CNIH3: variants seen among roughly 807,000 people sequenced by gnomAD.
The protein encoded by CNIH3 is cornichon family AMPA receptor auxiliary protein 3.
Under a neutral mutation model 24.1 loss-of-function variants are expected in CNIH3, and 14 were observed. That is an observed-to-expected ratio of 0.58 (90% confidence interval 0.38 to 0.91). The LOEUF (loss-of-function observed/expected upper bound fraction) is 0.91. CNIH3 is among the 40% of genes least tolerant of loss of function. CNIH3 has a pLI of 0.00. For synonymous variants in CNIH3, 68 were observed against 73.8 expected (o/e 0.92, Z 0.40); for missense variants, 178 against 196.8 (o/e 0.90, Z 0.57).
chr1:224,438,236 T>A (rs1053024544), intron 1 of CNIH3, among the ~76,000 whole-genome samples: 2 of 151,482 alleles, frequency 1.3e-5, no homozygotes, highest in Non-Finnish European at 1.5e-5. Context: ...TTTTTTTTTT[T>A]AAATACAGAC....
Position 224,730,483 on chromosome 1 carries a change from A to G in CNIH3, c.220A>G (p.Ile74Val), listed in dbSNP as rs2125241388. Reference sequence around the variant, plus strand: ...TCAGCTGGTGCTGCCAGAATACTCCATCCATAGCCTCTTCTGCATTATGTT... The same window carrying G: ...TCAGCTGGTGCTGCCAGAATACTCCGTCCATAGCCTCTTCTGCATTATGTT... ...LRKLVLPEYSIHSLFCIMFLC... is the reference protein window; with the variant it reads ...LRKLVLPEYSVHSLFCIMFLC... Residue 74 changes from isoleucine (I) to valine (V), a missense_variant, in exon 4 of 6, where the codon ATC (isoleucine) becomes GTC (valine). Coordinates refer to ENST00000272133, the MANE Select transcript of CNIH3 (RefSeq NM_152495.2). 1 of 1,559,402 alleles carries G rather than the reference A, an allele frequency of 6.4e-7. No individual in the cohort carries two copies. The highest frequency in any genetic ancestry group is 2.4e-5 in the East Asian group (1 of 42,438).
rs774919398 is a variant in CNIH3, at chr1:224,600,190, AT to A, written n.402+33942del. Reference sequence around the variant, plus strand: ...TTAGTTCTCTGTTTTTCTCATCTACATTTTTTTTTTTTTTTTGAGACGTAGT... The same window carrying A: ...TTAGTTCTCTGTTTTTCTCATCTACATTTTTTTTTTTTTTTGAGACGTAGT... On this transcript the variant is annotated intron_variant and non_coding_transcript_variant, in intron 3 of 7. Coordinates refer to the CNIH3 transcript ENST00000478120. Among the ~76,000 whole-genome samples, 870 of 134,774 alleles carry A rather than the reference AT, an allele frequency of 6.5e-3. 8 individuals are homozygous for A. The highest frequency in any genetic ancestry group is 0.054 in the East Asian group (253 of 4,718). The allele number at this position is 134,774 out of a possible 152,430, so 88.4% of individuals were successfully genotyped here.
intron 3 of CNIH3, among the ~76,000 whole-genome samples, chr1:224,711,667 C>T (rs982850327): frequency 1.3e-5 from 2 of 151,384 alleles, no homozygotes; most frequent in Admixed American, 6.6e-5. Context: ...TGGTGGTACC[C>T]GCCTGTAGTC....
intron 1 of CNIH3, chr1:224,661,248 T>C: frequency 3.2e-6 from 1 of 307,848 alleles, no homozygotes; most frequent in Non-Finnish European, 6.6e-6. Flanking sequence ...CTTCAACTTC[T>C]GCTCTTTCTT....
chr1:224,588,570 C>A (rs1244060567), exon 6 of CNIH3: 2 of 151,740 alleles, frequency 1.3e-5, no homozygotes, highest in African/African-American at 4.8e-5. Flanking sequence ...TTTTTGGAAC[C>A]AGCATAGTTT....
intron 3 of CNIH3, among the ~76,000 whole-genome samples, chr1:224,550,230 C>A (rs760831526): frequency 6.6e-6 from 1 of 151,904 alleles, no homozygotes; most frequent in South Asian, 2.1e-4. Flanking sequence ...GTGTGTGTAA[C>A]CACTAGATTT....
At chr1:224,665,160 G>A (rs1685536813) in intron 1 of CNIH3, among the ~76,000 whole-genome samples, 1 of 152,168 alleles carries the variant, frequency 6.6e-6, no homozygotes, top group Non-Finnish European at 1.5e-5. Context: ...TCTGGATGGA[G>A]GTTCTGAATC....
chr1:224,554,629 A>C (rs1302704072), intron 3 of CNIH3, among the ~76,000 whole-genome samples: 1 of 151,594 alleles, frequency 6.6e-6, no homozygotes, highest in Non-Finnish European at 1.5e-5. Context: ...TGTCACCCAG[A>C]CTGGAGTGCA....
chr1:224,449,453 T>C (rs1470825612), intron 1 of CNIH3, among the ~76,000 whole-genome samples: 1 of 152,174 alleles, frequency 6.6e-6, no homozygotes, highest in Admixed American at 6.5e-5. Flanking sequence ...CCTAAATGTT[T>C]TGTTCCTTTC....
intron 3 of CNIH3, among the ~76,000 whole-genome samples, chr1:224,717,260 T>A (rs1688478193): frequency 6.6e-6 from 1 of 152,218 alleles, no homozygotes; most frequent in African/African-American, 2.4e-5. Flanking sequence ...TGGGTTCTGA[T>A]GAGGGCCCTC....
At chr1:224,452,970 A>G (rs1675485285) in intron 1 of CNIH3, among the ~76,000 whole-genome samples, 1 of 149,198 alleles carries the variant, frequency 6.7e-6, no homozygotes, top group Admixed American at 6.7e-5. Context: ...AAAATACAAA[A>G]TTAGCCGGTT....
At chr1:224,736,418 G>A (rs1206362431) in intron 5 of CNIH3, among the ~76,000 whole-genome samples, 1 of 152,198 alleles carries the variant, frequency 6.6e-6, no homozygotes, top group Admixed American at 6.5e-5. Context: ...GAGCCACCGT[G>A]CCCAGTAGCT....
At chr1:224,693,708 C>T (rs1201041577) in intron 3 of CNIH3, among the ~76,000 whole-genome samples, 3 of 152,216 alleles carry the variant, frequency 2.0e-5, no homozygotes, top group East Asian at 3.8e-4. Flanking sequence ...TGTGGATATT[C>T]TTCAGTCAGA....
At chr1:224,512,863 G>A (rs1206998451), upstream of CNIH3, among the ~76,000 whole-genome samples, 1 of 152,184 alleles carries the variant, frequency 6.6e-6, no homozygotes, top group African/African-American at 2.4e-5. Context: ...AATGATGTGA[G>A]TGAACACAGA....
upstream of CNIH3, among the ~76,000 whole-genome samples, chr1:224,511,856 CAA>C (rs1678164049): frequency 6.6e-6 from 1 of 151,750 alleles, no homozygotes. Context: ...CTATCTCAAA[CAA>C]AACAAATTTA....
At chr1:224,646,132 G>A (rs970757284) in intron 1 of CNIH3, among the ~76,000 whole-genome samples, 5 of 109,392 alleles carry the variant, frequency 4.6e-5, no homozygotes, top group African/African-American at 8.0e-5. Context: ...TAACTCTAAC[G>A]TAAGACAGCA....
chr1:224,508,965 G>A (rs1678026941), intron 1 of CNIH3, among the ~76,000 whole-genome samples: 1 of 152,162 alleles, frequency 6.6e-6, no homozygotes, highest in South Asian at 2.1e-4. Flanking sequence ...GGTAAAATGT[G>A]TTATTAGATA....
chr1:224,716,129 C>T (rs1394016295), intron 3 of CNIH3, among the ~76,000 whole-genome samples: 20 of 152,142 alleles, frequency 1.3e-4, no homozygotes, highest in Admixed American at 1.1e-3. Context: ...CAATATGACT[C>T]CATCACATTC....
chr1:224,658,525 G>A (rs558244396), intron 1 of CNIH3, among the ~76,000 whole-genome samples: 4 of 151,778 alleles, frequency 2.6e-5, no homozygotes, highest in East Asian at 3.9e-4. Flanking sequence ...AAATATCAAA[G>A]GTTAATACAC....
Sources: gnomAD v4.1 joint callset for allele counts (sites outside exome capture counted in the v4.1 genomes callset) on GRCh38, gnomAD v4.1.1 for gene constraint, MANE v1.5 for transcripts, NCBI Gene and HGNC (gene_info 2026-07-23, HGNC 2026-07-21) for gene names.